The following MTUS2 variants were observed in gnomAD, a reference collection of about 807,000 sequenced individuals.
MTUS2 encodes microtubule-associated tumor suppressor candidate 2.
MTUS2 carries 40 observed loss-of-function variants against 114.1 expected under a neutral mutation model. The observed-to-expected ratio is 0.35, with a 90% CI of 0.27 to 0.46. The LOEUF (loss-of-function observed/expected upper bound fraction) is 0.46. Ranked by LOEUF, MTUS2 falls within the 20% of genes least tolerant of loss-of-function variation. The pLI is 1.00. For missense variants in MTUS2, 1,679 were observed against 1,705.4 expected, an observed-to-expected ratio of 0.98 and a Z score of 0.27; for synonymous variants, 688 against 672.0, an observed-to-expected ratio of 1.02 and a Z score of -0.37.
At position 29,162,091 on chromosome 13, in the gene MTUS2, T is replaced by TA. The variant is rs1195329201; in HGVS notation, c.2644+61122dup. Among the ~76,000 whole-genome samples, 8 of 152,174 alleles carry TA rather than the reference T, an allele frequency of 5.3e-5. 1 individual carries two copies. Among genetic ancestry groups the TA allele is most frequent in the Admixed American group, 2.6e-4 (4 of 15,278 alleles). On this transcript the variant is annotated intron_variant, in intron 5 of 15. Transcript: ENST00000612955. ...AGCATCCCTCCAATCACTGCCTCTG[T>TA]ATTCACAGAGGTCCCTTCTCTCTGT...
chr13:29,471,109 G>C (rs1269728486), intron 9 of MTUS2, among the ~76,000 whole-genome samples: 1 of 152,162 alleles, frequency 6.6e-6, no homozygotes, highest in East Asian at 1.9e-4. Flanking sequence ...TTGGGAGGCT[G>C]AGGCGGGCAG....
In MTUS2 at chr13:29,496,614, G is replaced by T. The variant is rs1025177238; in HGVS notation, c.3580-624G>T. Among the ~76,000 whole-genome samples, 3 of 152,282 alleles carry T rather than the reference G, an allele frequency of 2.0e-5. No individual in the cohort carries two copies. The East Asian group carries it at 5.8e-4, about 29-fold the overall frequency. ...ACATTAGAAAGAGTGCCTGACTGCA[G>T]TGTGAGGGCAAAAGAGTGGTAATTC... On this transcript the variant is annotated intron_variant, in intron 12 of 15. Transcript: ENST00000612955. This position sits in a 1 kb window ranked among gnomAD's most constrained non-coding sequence, Gnocchi z 4.3.
At chr13:29,297,489 A>C (rs947657404) in intron 6 of MTUS2, among the ~76,000 whole-genome samples, 2 of 152,220 alleles carry the variant, frequency 1.3e-5, no homozygotes, top group African/African-American at 4.8e-5. Flanking sequence ...TGTAGCAGGA[A>C]TCAACCTAAG....
intron 5 of MTUS2, among the ~76,000 whole-genome samples, chr13:29,117,793 A>T (rs1185743417): frequency 6.6e-6 from 1 of 152,222 alleles, no homozygotes; most frequent in Non-Finnish European, 1.5e-5. Flanking sequence ...CCCTTTGATT[A>T]GAAAATGAAA....
At chr13:29,052,568 A>T (rs568389783) in intron 4 of MTUS2, among the ~76,000 whole-genome samples, 12 of 152,324 alleles carry the variant, frequency 7.9e-5, no homozygotes, top group African/African-American at 2.9e-4. Flanking sequence ...AAGCAAATGG[A>T]CAAAGCCTCT....
chr13:28,840,078 G>A (rs1330733135), intron 2 of MTUS2, among the ~76,000 whole-genome samples: 1 of 150,596 alleles, frequency 6.6e-6, no homozygotes, highest in Non-Finnish European at 1.5e-5. Context: ...TATTGACTGA[G>A]TTCAAGTAAC....
chr13:29,375,355 TTACTTTTAATGGCAAAAACC>T (rs1871511033), intron 8 of MTUS2, among the ~76,000 whole-genome samples: 1 of 6,664 alleles, frequency 1.5e-4, no homozygotes, highest in Non-Finnish European at 5.7e-4. Context: ...CCGCAATTAC[TTACTTTTAATGGCAAAAACC>T]GCAATTACTT....
intron 9 of MTUS2, among the ~76,000 whole-genome samples, chr13:29,442,946 A>G (rs1295648877): frequency 6.6e-6 from 1 of 152,164 alleles, no homozygotes; most frequent in Non-Finnish European, 1.5e-5. Context: ...CTTAGTTAAG[A>G]TAGAAAAGCA....
intron 9 of MTUS2, among the ~76,000 whole-genome samples, chr13:29,461,492 C>T (rs1418278485): frequency 6.6e-6 from 1 of 152,178 alleles, no homozygotes; most frequent in Non-Finnish European, 1.5e-5. Context: ...ATACAAATAC[C>T]TCACACATAT....
intron 2 of MTUS2, among the ~76,000 whole-genome samples, chr13:28,898,937 C>A (rs187246214): frequency 6.6e-6 from 1 of 152,266 alleles, no homozygotes; most frequent in East Asian, 1.9e-4. Flanking sequence ...AACACAAAGA[C>A]TCGATGAAGA....
intron 4 of MTUS2, among the ~76,000 whole-genome samples, chr13:29,091,522 A>G (rs1039553754): frequency 6.6e-6 from 1 of 151,270 alleles, no homozygotes; most frequent in African/African-American, 2.4e-5. Flanking sequence ...ATTAATGACC[A>G]CTCTTTCATG....
chr13:29,458,675 C>T (rs1879280635), intron 9 of MTUS2, among the ~76,000 whole-genome samples: 1 of 152,142 alleles, frequency 6.6e-6, no homozygotes, highest in African/African-American at 2.4e-5. Context: ...CTTGGTGAAC[C>T]ACAGGCAGGA....
intron 4 of MTUS2, among the ~76,000 whole-genome samples, chr13:29,068,506 A>G (rs1888764603): frequency 6.6e-6 from 1 of 152,198 alleles, no homozygotes; most frequent in Non-Finnish European, 1.5e-5. Context: ...TGTGCATCAG[A>G]TATCCTCAGG....
chr13:28,828,058 C>G (rs1874393064), intron 1 of MTUS2, among the ~76,000 whole-genome samples: 1 of 152,126 alleles, frequency 6.6e-6, no homozygotes, highest in African/African-American at 2.4e-5. Flanking sequence ...GAGACTGGGG[C>G]TTATTTCACC....
intron 8 of MTUS2, among the ~76,000 whole-genome samples, chr13:29,362,301 T>A (rs927124726): frequency 3.3e-5 from 5 of 152,282 alleles, no homozygotes; most frequent in South Asian, 2.1e-4. Flanking sequence ...GGCACTTTTT[T>A]AACAAATATT....
chr13:28,925,931 C>T (rs1881304830), intron 2 of MTUS2, among the ~76,000 whole-genome samples: 1 of 152,136 alleles, frequency 6.6e-6, no homozygotes, highest in Non-Finnish European at 1.5e-5. Flanking sequence ...ATAAAACAAC[C>T]TTGGCATTGG....
chr13:29,222,712 A>G (rs1355611992), intron 5 of MTUS2, among the ~76,000 whole-genome samples: 3 of 152,212 alleles, frequency 2.0e-5, no homozygotes, highest in Admixed American at 2.0e-4. Flanking sequence ...CAGCTGCCCA[A>G]CCATGGCTGT....
chr13:29,471,290 C>T (rs1479289919), intron 9 of MTUS2, among the ~76,000 whole-genome samples: 1 of 151,942 alleles, frequency 6.6e-6, no homozygotes, highest in Non-Finnish European at 1.5e-5. Flanking sequence ...ATGTTGTGAG[C>T]CAAGATCACA....
chr13:28,860,900 A>G (rs1282673143), intron 2 of MTUS2, among the ~76,000 whole-genome samples: 1 of 152,234 alleles, frequency 6.6e-6, no homozygotes, highest in Non-Finnish European at 1.5e-5. Flanking sequence ...GCCTGAGAAC[A>G]GAACCTCGCC....
Sources: allele counts gnomAD v4.1 joint callset (sites outside exome capture counted in the v4.1 genomes callset), GRCh38; gene constraint gnomAD v4.1.1; non-coding constraint Gnocchi (gnomAD v3.1); transcripts MANE v1.5; gene names NCBI Gene and HGNC (gene_info 2026-07-23, HGNC 2026-07-21).